The following ATXN10 variants were observed in gnomAD, a reference collection of about 807,000 sequenced individuals.
ATXN10 encodes ataxin-10.
Under a neutral mutation model 52.9 loss-of-function variants are expected in ATXN10, and 28 were observed. The observed-to-expected ratio is 0.53, with a 90% CI of 0.39 to 0.73. The LOEUF (loss-of-function observed/expected upper bound fraction) is 0.73, where lower values mean the gene tolerates loss of function less well. Among genes scored for constraint, ATXN10 ranks in the 30% least tolerant of loss-of-function variants. ATXN10 has a pLI of 0.00. For synonymous variants in ATXN10, 226 were observed against 221.5 expected (o/e 1.02, Z -0.18); for missense variants, 565 against 577.0 (o/e 0.98, Z 0.21).
chr22:45,760,426 A>G (rs1266372428), intron 9 of ATXN10: 1 of 154,094 alleles, frequency 6.5e-6, no homozygotes, highest in Non-Finnish European at 1.5e-5. Context: ...CTGCAGTTCA[A>G]CAGTGGAGTC....
Position 45,734,866 on chromosome 22 carries a change from G to A in ATXN10, c.895-3865G>A, listed in dbSNP as rs567128630. Among the ~76,000 whole-genome samples the A allele has an allele frequency of 9.0e-5, 9 of 100,380 alleles. No individual in the cohort carries two copies. The South Asian group carries it at 2.5e-3, about 28-fold the overall frequency. The allele number at this position is 100,380 out of a possible 152,430, so 65.9% of individuals were successfully genotyped here. A position where few individuals can be genotyped will look rare whatever the true frequency, so the allele number is the denominator to read the frequency against. ...TCTGCCCTTCTTTTTCTTGAAATGG[G>A]TTATATTATTATTATTATTATTATT... On this transcript the variant is annotated intron_variant, in intron 7 of 11. Transcript: ENST00000252934.
At chr22:45,811,591 G>C (rs937924974) in intron 10 of ATXN10, 1 of 404,178 alleles carries the variant, frequency 2.5e-6, no homozygotes, top group Non-Finnish European at 5.0e-6. Context: ...GAAGCAGTAG[G>C]GTATACCATA....
intron 9 of ATXN10, among the ~76,000 whole-genome samples, chr22:45,747,452 C>T (rs776554031): frequency 1.3e-5 from 2 of 149,380 alleles, no homozygotes; most frequent in African/African-American, 4.9e-5. Flanking sequence ...TGCAGTGCAC[C>T]GTGATTGTGC....
intron 1 of ATXN10, chr22:45,675,412 C>T (rs1922643314): frequency 6.6e-6 from 1 of 152,220 alleles, no homozygotes; most frequent in Non-Finnish European, 1.5e-5. Context: ...TGACTTGCTC[C>T]TGAAGAGTAG....
At chr22:45,692,161 GT>G (rs1923408213) in intron 2 of ATXN10, among the ~76,000 whole-genome samples, 1 of 152,154 alleles carries the variant, frequency 6.6e-6, no homozygotes, top group Admixed American at 6.5e-5. Context: ...TACAACACAA[GT>G]TTATGTTAAT....
At chr22:45,748,709 G>A (rs1925832815) in intron 9 of ATXN10, among the ~76,000 whole-genome samples, 1 of 152,144 alleles carries the variant, frequency 6.6e-6, no homozygotes, top group Non-Finnish European at 1.5e-5. Flanking sequence ...TCAGCTTATT[G>A]ATTTGAAGAT....
At chr22:45,779,095 G>A (rs1042459563) in intron 9 of ATXN10, among the ~76,000 whole-genome samples, 1 of 152,138 alleles carries the variant, frequency 6.6e-6, no homozygotes, top group Admixed American at 6.5e-5. Flanking sequence ...AATTTTCTCT[G>A]TGACCAGATT....
chr22:45,729,754 G>A (rs775448122), intron 7 of ATXN10, 164 bp downstream of exon 7: 86 of 810,124 alleles, frequency 1.1e-4, no homozygotes, highest in Non-Finnish European at 1.5e-4. Flanking sequence ...AGGGAAAACA[G>A]TGTCCTTATT....
intron 9 of ATXN10, among the ~76,000 whole-genome samples, chr22:45,806,582 A>G (rs1326994512): frequency 2.0e-5 from 3 of 152,162 alleles, no homozygotes; most frequent in Admixed American, 1.3e-4. Context: ...AGCTTTTCCT[A>G]TTCCCAGCTT....
In ATXN10 at chr22:45,774,806, G is replaced by A. The variant is rs371741589; in HGVS notation, c.1174-32153G>A. On this transcript the variant is annotated intron_variant, in intron 9 of 11. Coordinates refer to ENST00000252934, the MANE Select transcript of ATXN10 (RefSeq NM_013236.4). The surrounding 1 kb of genome is among the most constrained non-coding windows in gnomAD (Gnocchi z 6.2). Reference sequence around the variant, plus strand: ...AAATTAGCTGAGTGTGGTGGCACGCGCCTGTAATCCCAGTTACTGGGGAGG... The same window carrying A: ...AAATTAGCTGAGTGTGGTGGCACGCACCTGTAATCCCAGTTACTGGGGAGG... Among the ~76,000 whole-genome samples the A allele has an allele frequency of 5.3e-5, 8 of 152,128 alleles. No homozygotes were observed. Among genetic ancestry groups the A allele is most frequent in the Non-Finnish European group, 7.3e-5 (5 of 68,038 alleles).
At position 45,818,925 on chromosome 22, in the gene ATXN10, T is replaced by TGCAC. The variant is rs1201787952; in HGVS notation, c.1237+11904_1237+11907dup. Among the ~76,000 whole-genome samples the TGCAC allele has an allele frequency of 5.3e-5, 8 of 152,164 alleles. No individual in the cohort carries two copies. Among genetic ancestry groups the TGCAC allele is most frequent in the Non-Finnish European group, 8.8e-5 (6 of 68,034 alleles). On this transcript the variant is annotated intron_variant, in intron 10 of 11. Coordinates refer to ENST00000252934, the MANE Select transcript of ATXN10 (RefSeq NM_013236.4). The surrounding 1 kb of genome is among the most constrained non-coding windows in gnomAD (Gnocchi z 4.6). ...GCAGCATCCTGGGGCCTGACCTTGG[T>TGCAC]GCACTGTGTCTCTGGCTTCTTTGCA...
At chr22:45,734,982 T>G (rs1925236623) in intron 7 of ATXN10, among the ~76,000 whole-genome samples, 1 of 151,730 alleles carries the variant, frequency 6.6e-6, no homozygotes, top group Non-Finnish European at 1.5e-5. Flanking sequence ...TCTCCCAGGT[T>G]CAAGCGATTC....
chr22:45,839,156 C>T (rs1353366346), intron 10 of ATXN10, among the ~76,000 whole-genome samples: 3 of 152,208 alleles, frequency 2.0e-5, no homozygotes, highest in African/African-American at 7.2e-5. Context: ...GTTGTTATTT[C>T]TGATTCTCAA....
intron 10 of ATXN10, among the ~76,000 whole-genome samples, chr22:45,829,189 A>G (rs970604068): frequency 1.3e-5 from 2 of 152,174 alleles, no homozygotes; most frequent in African/African-American, 2.4e-5. Context: ...ATGATAAAAA[A>G]CACTCAACAA....
intron 9 of ATXN10, among the ~76,000 whole-genome samples, chr22:45,764,564 A>G (rs1926517683): frequency 6.6e-6 from 1 of 152,092 alleles, no homozygotes; most frequent in African/African-American, 2.4e-5. Flanking sequence ...TTGACTTTTT[A>G]CCCCATCATC....
At chr22:45,725,715 G>T (rs114444495) in intron 6 of ATXN10, among the ~76,000 whole-genome samples, 1,586 of 152,204 alleles carry the variant, frequency 0.01, 33 homozygotes, top group African/African-American at 0.036. Flanking sequence ...AATAGAAGTG[G>T]TGAAAGTGGA....
chr22:45,722,122 G>T (rs1924677312), intron 6 of ATXN10, among the ~76,000 whole-genome samples: 1 of 152,170 alleles, frequency 6.6e-6, no homozygotes, highest in South Asian at 2.1e-4. Context: ...TGGGTTAAGG[G>T]AGCAAGACTT....
At chr22:45,834,456 G>A (rs1000133596) in intron 10 of ATXN10, among the ~76,000 whole-genome samples, 6 of 152,212 alleles carry the variant, frequency 3.9e-5, no homozygotes, top group Non-Finnish European at 7.3e-5. Context: ...AGTGTCCCGG[G>A]TTGTGTGTGG....
In ATXN10 at chr22:45,770,392, A is replaced by G. The variant is rs1777635874; in HGVS notation, c.1173+29854A>G. ...GCTGGTTGGGACAGGTGATGTGAAA[A>G]AGAGGGGGGTATGTGATGAATATAC... On this transcript the variant is annotated intron_variant, in intron 9 of 11. Transcript: ENST00000252934. The surrounding 1 kb of genome is among the most constrained non-coding windows in gnomAD (Gnocchi z 4.5). Among the ~76,000 whole-genome samples the G allele has an allele frequency of 6.6e-6, 1 of 152,196 alleles. No homozygotes were observed. Among genetic ancestry groups the G allele is most frequent in the Non-Finnish European group, 1.5e-5 (1 of 68,038 alleles).
Sources: gnomAD v4.1 joint callset for allele counts (sites outside exome capture counted in the v4.1 genomes callset) on GRCh38, gnomAD v4.1.1 for gene constraint, Gnocchi (gnomAD v3.1) non-coding constraint, MANE v1.5 for transcripts, NCBI Gene and HGNC (gene_info 2026-07-23, HGNC 2026-07-21) for gene names.